EXOC4: variants seen among roughly 807,000 people sequenced by gnomAD.
The protein encoded by EXOC4 is SEC8-like 1.
In EXOC4, 71 loss-of-function variants were observed where a neutral mutation model predicts 107.2. The ratio of observed to expected loss-of-function variants is 0.66; its 90% CI spans 0.55 to 0.81. The LOEUF (loss-of-function observed/expected upper bound fraction) is 0.81, where lower values mean the gene tolerates loss of function less well. Ranked by LOEUF, EXOC4 falls within the 30% of genes least tolerant of loss-of-function variation. EXOC4 has a pLI of 0.00. For synonymous variants in EXOC4, 456 were observed against 441.2 expected, an observed-to-expected ratio of 1.03 and a Z score of -0.42; for missense variants, 1,108 against 1,189.6, an observed-to-expected ratio of 0.93 and a Z score of 1.01.
intron 5 of EXOC4, among the ~76,000 whole-genome samples, chr7:133,356,111 G>A (rs1796014750): frequency 1.3e-5 from 2 of 152,094 alleles, no homozygotes; most frequent in Admixed American, 1.3e-4. Flanking sequence ...AATTTTTATT[G>A]CATCTGCCTC....
intron 10 of EXOC4, among the ~76,000 whole-genome samples, chr7:133,699,264 G>A (rs1794604630): frequency 6.6e-6 from 1 of 152,106 alleles, no homozygotes; most frequent in Non-Finnish European, 1.5e-5. Flanking sequence ...TTCTCCGCCT[G>A]ACACTTTCCT....
the EXOC4 span, among the ~76,000 whole-genome samples, chr7:134,096,910 TG>T: frequency 6.6e-6 from 1 of 152,034 alleles, no homozygotes; most frequent in African/African-American, 2.4e-5. Context: ...AACAATACTT[TG>T]CATTCTTCAA....
intron 17 of EXOC4, among the ~76,000 whole-genome samples, chr7:134,008,975 A>C (rs1794707067): frequency 6.6e-6 from 1 of 152,068 alleles, no homozygotes; most frequent in African/African-American, 2.4e-5. Context: ...GTTTTTCAAG[A>C]TTTGAGAGTT....
intron 12 of EXOC4, among the ~76,000 whole-genome samples, chr7:133,901,684 A>G (rs754215613): frequency 5.9e-5 from 9 of 152,230 alleles, no homozygotes; most frequent in Non-Finnish European, 8.8e-5. Flanking sequence ...GATAATGATA[A>G]TAATGGTAAT....
At chr7:133,762,776 G>A (rs373448052) in intron 10 of EXOC4, among the ~76,000 whole-genome samples, 45 of 152,146 alleles carry the variant, frequency 3.0e-4, no homozygotes, top group East Asian at 1.5e-3. Context: ...AATATAAGAA[G>A]TGAATAATTT....
intron 17 of EXOC4, among the ~76,000 whole-genome samples, chr7:134,014,793 G>A (rs534878824): frequency 4.6e-5 from 7 of 151,168 alleles, no homozygotes; most frequent in African/African-American, 1.7e-4. Flanking sequence ...CGATGAAGGA[G>A]TTTAAAAAAA....
At chr7:133,607,985 C>G (rs776248559) in intron 9 of EXOC4, among the ~76,000 whole-genome samples, 3 of 152,076 alleles carry the variant, frequency 2.0e-5, no homozygotes, top group Non-Finnish European at 4.4e-5. Context: ...CCTTTATTGA[C>G]TTTTTCAGTT....
At chr7:133,650,856 G>A (rs1803126453) in intron 10 of EXOC4, among the ~76,000 whole-genome samples, 1 of 148,882 alleles carries the variant, frequency 6.7e-6, no homozygotes, top group Non-Finnish European at 1.5e-5. Flanking sequence ...CTATTTTCTA[G>A]GTTATTTATC....
intron 7 of EXOC4, among the ~76,000 whole-genome samples, chr7:133,407,623 G>C (rs1797252861): frequency 6.6e-6 from 1 of 152,184 alleles, no homozygotes; most frequent in Admixed American, 6.5e-5. Flanking sequence ...TAAGATGTGT[G>C]TAAGATGTAG....
chr7:133,948,982 A>G (rs115275124), intron 14 of EXOC4, among the ~76,000 whole-genome samples: 1,845 of 152,304 alleles, frequency 0.012, 30 homozygotes, highest in African/African-American at 0.042. Context: ...TATCTCCCAA[A>G]GCTACAGCAG....
At chr7:133,627,464 A>C (rs573978987) in intron 9 of EXOC4, among the ~76,000 whole-genome samples, 1 of 152,204 alleles carries the variant, frequency 6.6e-6, no homozygotes, top group Non-Finnish European at 1.5e-5. Context: ...AGACATGTTC[A>C]TATTGAGTCG....
chr7:133,854,416 AC>A (rs1798305196), intron 11 of EXOC4, among the ~76,000 whole-genome samples: 1 of 149,002 alleles, frequency 6.7e-6, no homozygotes, highest in Non-Finnish European at 1.5e-5. Flanking sequence ...GAGCACACAC[AC>A]ACACACACAC....
At chr7:133,741,905 C>T (rs868695104) in intron 10 of EXOC4, among the ~76,000 whole-genome samples, 4 of 152,206 alleles carry the variant, frequency 2.6e-5, no homozygotes, top group Middle Eastern at 3.4e-3. Context: ...TGTAGTTATT[C>T]CAGAGACTAG....
At chr7:133,896,306 T>C (rs1041562374) in intron 12 of EXOC4, among the ~76,000 whole-genome samples, 10 of 152,162 alleles carry the variant, frequency 6.6e-5, no homozygotes, top group African/African-American at 1.9e-4. Context: ...GTGGAAAAGA[T>C]CATAGCAATT....
rs1357283009 is a variant in EXOC4, at chr7:133,645,328, G to A, written c.1514+15187G>A. Reference sequence around the variant, plus strand: ...AGGATGGTCTCTATCTCCTGACCTCGTGATCAACCTGCCTCGACCTCCCAG... The same window carrying A: ...AGGATGGTCTCTATCTCCTGACCTCATGATCAACCTGCCTCGACCTCCCAG... On this transcript the variant is annotated intron_variant, in intron 10 of 17. Coordinates refer to ENST00000253861, the MANE Select transcript of EXOC4 (RefSeq NM_021807.4). 2.6e-5 allele frequency among the ~76,000 whole-genome samples: 4 copies of A among 151,562 alleles called. No homozygotes were observed. The East Asian group carries it at 5.8e-4, about 22-fold the overall frequency.
intron 10 of EXOC4, among the ~76,000 whole-genome samples, chr7:133,795,502 G>A (rs965362624): frequency 5.9e-5 from 9 of 152,116 alleles, no homozygotes; most frequent in Admixed American, 5.2e-4. Context: ...CATGGAACAC[G>A]GGGCTGTATG....
intron 9 of EXOC4, chr7:133,480,537 C>A: frequency 1.4e-6 from 1 of 739,638 alleles, no homozygotes; most frequent in Non-Finnish European, 1.7e-6. Context: ...GAAAATGCAA[C>A]CACTGTCATT....
intron 9 of EXOC4, among the ~76,000 whole-genome samples, chr7:133,586,626 G>C (rs1035514465): frequency 1.3e-5 from 2 of 151,994 alleles, no homozygotes; most frequent in African/African-American, 2.4e-5. Flanking sequence ...TATTCTTTCG[G>C]GTATATACCC....
chr7:133,703,679 C>T (rs1275595212), intron 10 of EXOC4, among the ~76,000 whole-genome samples: 1 of 152,224 alleles, frequency 6.6e-6, no homozygotes, highest in East Asian at 1.9e-4. Context: ...ACAAATTACG[C>T]TTATGCATGC....
Sources: allele counts gnomAD v4.1 joint callset (sites outside exome capture counted in the v4.1 genomes callset), GRCh38; gene constraint gnomAD v4.1.1; transcripts MANE v1.5; gene names NCBI Gene and HGNC (gene_info 2026-07-23, HGNC 2026-07-21).